The following DLG2 variants were observed in gnomAD, a reference collection of about 807,000 sequenced individuals.
The protein encoded by DLG2 is discs large MAGUK scaffold protein 2.
A neutral mutation model predicts 132.5 loss-of-function variants in DLG2; 45 were observed. The ratio of observed to expected loss-of-function variants is 0.34; its 90% CI spans 0.27 to 0.44. DLG2 has a LOEUF of 0.44. DLG2 is among the 20% of genes least tolerant of loss of function. The probability of loss-of-function intolerance (pLI) is 1.00; values close to 1 mark genes in which losing one functional copy is unlikely to be tolerated. For synonymous variants in DLG2, 424 were observed against 419.6 expected, an observed-to-expected ratio of 1.01 and a Z score of -0.13; for missense variants, 1,045 against 1,196.9, an observed-to-expected ratio of 0.87 and a Z score of 1.87.
At chr11:84,258,257 T>C (rs2097505645) in intron 7 of DLG2, among the ~76,000 whole-genome samples, 1 of 152,138 alleles carries the variant, frequency 6.6e-6, no homozygotes, top group South Asian at 2.1e-4. Context: ...CATCGATGGT[T>C]GTGTAAGAGA....
intron 21 of DLG2, among the ~76,000 whole-genome samples, chr11:83,490,805 A>T (rs778608275): frequency 2.2e-4 from 34 of 151,986 alleles, no homozygotes; most frequent in Non-Finnish European, 4.9e-4. Context: ...TGAAAACCAT[A>T]AAAACTAAGG....
intron 21 of DLG2, among the ~76,000 whole-genome samples, chr11:83,495,252 G>T (rs1037681393): frequency 1.3e-5 from 2 of 152,062 alleles, no homozygotes; most frequent in Admixed American, 1.3e-4. Flanking sequence ...AGTGGGGGAG[G>T]TATAGGGAGA....
chr11:85,132,134 G>T (rs934468801), intron 5 of DLG2, among the ~76,000 whole-genome samples: 4 of 152,048 alleles, frequency 2.6e-5, no homozygotes, highest in African/African-American at 9.7e-5. Flanking sequence ...TAAAACGATT[G>T]CCTATTGATT....
intron 6 of DLG2, among the ~76,000 whole-genome samples, chr11:85,019,014 C>G (rs1372946308): frequency 6.6e-6 from 1 of 152,082 alleles, no homozygotes; most frequent in Non-Finnish European, 1.5e-5. Flanking sequence ...ACACAGCATA[C>G]TAATGTAGGG....
intron 21 of DLG2, among the ~76,000 whole-genome samples, chr11:83,513,784 G>A (rs1246233994): frequency 2.0e-5 from 3 of 152,132 alleles, no homozygotes; most frequent in Admixed American, 6.6e-5. Flanking sequence ...ATTAAATAGG[G>A]AATCCTTTCC....
At chr11:83,559,834 G>A (rs75638195) in intron 19 of DLG2, among the ~76,000 whole-genome samples, 1 of 152,268 alleles carries the variant, frequency 6.6e-6, no homozygotes, top group African/African-American at 2.4e-5. Context: ...GGATGCTAAA[G>A]ACAAAGACCA....
intron 7 of DLG2, among the ~76,000 whole-genome samples, chr11:84,271,902 C>T (rs79503625): frequency 8.7e-4 from 107 of 123,456 alleles, no homozygotes; most frequent in Non-Finnish European, 1.5e-3. Context: ...GCTCCGTGAA[C>T]GAGGAAATAC....
intron 12 of DLG2, among the ~76,000 whole-genome samples, chr11:83,978,096 G>A (rs1451055995): frequency 6.6e-6 from 1 of 151,128 alleles, no homozygotes; most frequent in Non-Finnish European, 1.5e-5. Flanking sequence ...TTATATCTAC[G>A]ATGAATATCA....
chr11:85,475,983 T>C lies in DLG2; in HGVS notation c.40+122674A>G, dbSNP rs567773141. Among the ~76,000 whole-genome samples the C allele has an allele frequency of 9.2e-5, 14 of 152,224 alleles. No individual in the cohort carries two copies. The South Asian group carries it at 1.5e-3, about 16-fold the overall frequency. On this transcript the variant is annotated intron_variant, in intron 3 of 27. Transcript: ENST00000376104. ...AAAGTATCTACTAACAAACAATCTA[T>C]AGTTATGCATTGTTTAATGACAGGG...
At chr11:84,289,815 C>T (rs2097961796) in intron 7 of DLG2, among the ~76,000 whole-genome samples, 1 of 152,188 alleles carries the variant, frequency 6.6e-6, no homozygotes. Flanking sequence ...ACTATCTCTA[C>T]TTCCAGCCTA....
At chr11:85,347,603 G>A (rs1368570260) in intron 3 of DLG2, among the ~76,000 whole-genome samples, 1 of 151,890 alleles carries the variant, frequency 6.6e-6, no homozygotes, top group African/African-American at 2.4e-5. Flanking sequence ...GTACTCTACT[G>A]GGAGATTGAG....
intron 10 of DLG2, among the ~76,000 whole-genome samples, chr11:84,061,437 A>G (rs1426222625): frequency 1.3e-5 from 2 of 152,232 alleles, no homozygotes; most frequent in East Asian, 1.9e-4. Flanking sequence ...TATCTACATT[A>G]TAGAAATGAG....
chr11:83,737,576 AAC>A (rs1434716086), intron 18 of DLG2, among the ~76,000 whole-genome samples: 1 of 152,246 alleles, frequency 6.6e-6, no homozygotes, highest in Non-Finnish European at 1.5e-5. Context: ...TACGATTATA[AAC>A]ACAGATTGGA....
At chr11:85,411,082 G>T (rs1373684532) in intron 3 of DLG2, among the ~76,000 whole-genome samples, 1 of 151,754 alleles carries the variant, frequency 6.6e-6, no homozygotes, top group East Asian at 1.9e-4. Context: ...AAAAGCAAGA[G>T]ATTTGAGGGA....
chr11:84,387,366 T>G (rs1360165679), intron 7 of DLG2, among the ~76,000 whole-genome samples: 1 of 152,074 alleles, frequency 6.6e-6, no homozygotes, highest in African/African-American at 2.4e-5. Flanking sequence ...AAGTATAAAA[T>G]TTTTAAGAAA....
chr11:83,759,813 T>C (rs183852906), intron 18 of DLG2, among the ~76,000 whole-genome samples: 2 of 152,298 alleles, frequency 1.3e-5, no homozygotes, highest in Admixed American at 6.5e-5. Flanking sequence ...AGAAGTCCTA[T>C]AGGTTCTATA....
At chr11:84,436,206 T>C (rs1158165645) in intron 7 of DLG2, among the ~76,000 whole-genome samples, 1 of 152,162 alleles carries the variant, frequency 6.6e-6, no homozygotes, top group Non-Finnish European at 1.5e-5. Context: ...AAAAGTGTTA[T>C]TAAATAACAA....
chr11:84,291,590 C>T (rs2097999012), intron 7 of DLG2, among the ~76,000 whole-genome samples: 1 of 152,114 alleles, frequency 6.6e-6, no homozygotes, highest in African/African-American at 2.4e-5. Context: ...CATGCAATGA[C>T]CTTTATCTCC....
intron 11 of DLG2, among the ~76,000 whole-genome samples, chr11:84,042,801 A>C (rs1593855710): frequency 1.3e-5 from 2 of 151,858 alleles, no homozygotes; most frequent in South Asian, 4.1e-4. Context: ...CAAACACCAC[A>C]TGTTCTCACT....
Sources: gnomAD v4.1 joint callset for allele counts (sites outside exome capture counted in the v4.1 genomes callset) on GRCh38, gnomAD v4.1.1 for gene constraint, MANE v1.5 for transcripts, NCBI Gene and HGNC (gene_info 2026-07-23, HGNC 2026-07-21) for gene names.